Variants in AHR observed in about 807,000 individuals in gnomAD.
The protein encoded by AHR is aryl hydrocarbon receptor.
A neutral mutation model predicts 86.8 loss-of-function variants in AHR; 40 were observed. That is an observed-to-expected ratio of 0.46 (90% CI 0.36 to 0.60). AHR has a LOEUF of 0.60. Ranked by LOEUF, AHR falls within the 20% of genes least tolerant of loss-of-function variation. The pLI is 0.00. For missense variants in AHR, 1,001 were observed against 1,011.6 expected, an observed-to-expected ratio of 0.99 and a Z score of 0.14; for synonymous variants, 398 against 354.9, an observed-to-expected ratio of 1.12 and a Z score of -1.37.
chr7:17,308,229 C>T (rs1404501892), intron 1 of AHR, among the ~76,000 whole-genome samples: 1 of 152,140 alleles, frequency 6.6e-6, no homozygotes, highest in African/African-American at 2.4e-5. Context: ...TTCTCTCTTT[C>T]ACCCTGTGCC....
chr7:17,322,738 C>G, intron 3 of AHR, 131 bp downstream of exon 3: 1 of 637,330 alleles, frequency 1.6e-6, no homozygotes, highest in East Asian at 2.7e-5. Flanking sequence ...ATCTGAACTG[C>G]GATAGTGAAT....
chr7:17,305,724 A>G (rs147798691), intron 1 of AHR, among the ~76,000 whole-genome samples: 1 of 151,182 alleles, frequency 6.6e-6, no homozygotes, highest in African/African-American at 2.4e-5. Flanking sequence ...ATATCTTTGC[A>G]TGTCATTTTG....
intron 10 of AHR, among the ~76,000 whole-genome samples, chr7:17,341,442 G>A (rs1211492760): frequency 6.6e-6 from 1 of 152,138 alleles, no homozygotes; most frequent in Non-Finnish European, 1.5e-5. Flanking sequence ...AGTTGCATGA[G>A]TACCACATAA....
chr7:17,309,039 T>C (rs962363742), intron 1 of AHR, among the ~76,000 whole-genome samples: 1 of 152,216 alleles, frequency 6.6e-6, no homozygotes, highest in African/African-American at 2.4e-5. Flanking sequence ...GGGTATCTGA[T>C]GATTTTTAAA....
Position 17,334,868 on chromosome 7 carries a change from C to G in AHR, c.909-19C>G. The stretch of plus-strand genomic sequence containing the variant: ...AAATCTTAATCCATTCTTATTTTAC[C>G]TTTTTTTATTTTAAACAGAGGAAGA... On this transcript the variant is annotated intron_variant, in intron 7 of 10. Transcript: ENST00000242057. 6.5e-7 allele frequency: 1 copy of G among 1,541,270 alleles called. No individual in the cohort carries two copies. Among genetic ancestry groups the G allele is most frequent in the East Asian group, 2.3e-5 (1 of 44,136 alleles).
Position 17,322,487 on chromosome 7 carries a change from CT to C in AHR, c.254-7del, listed in dbSNP as rs375683016. On this transcript the variant is annotated splice_polypyrimidine_tract_variant and intron_variant, in intron 2 of 10. Transcript: ENST00000242057. ...CTTACTTTTAAAATCATTGTTTTTC[CT>C]TTTTTTCCATAGTTGCATTAAAATC... 29 of 1,551,474 alleles carry C rather than the reference CT, an allele frequency of 1.9e-5. No homozygotes were observed. Among genetic ancestry groups the C allele is most frequent in the African/African-American group, 1.4e-4 (10 of 73,046 alleles).
intron 2 of AHR, among the ~76,000 whole-genome samples, chr7:17,315,777 C>T (rs960582781): frequency 1.3e-5 from 2 of 151,490 alleles, no homozygotes; most frequent in African/African-American, 2.4e-5. Flanking sequence ...ATATTAAAAT[C>T]TGAAGAAATT....
chr7:17,327,930 A>G lies in AHR; in HGVS notation c.450+82A>G, dbSNP rs941333076. On this transcript the variant is annotated intron_variant, in intron 4 of 10. Transcript: ENST00000242057. ...ATTTAGGACACAGTTGGCCATTTGT[A>G]TGTATAAAGTATCAATATATGCTGT... 9 of 468,728 alleles carry G rather than the reference A, an allele frequency of 1.9e-5. No individual in the cohort carries two copies. The Admixed American group carries it at 3.2e-4, about 17-fold the overall frequency. The allele number at this position is 468,728 out of a possible 1,614,324, so 29.0% of individuals were successfully genotyped here.
At chr7:17,312,466 A>T (rs936040246) in intron 2 of AHR, among the ~76,000 whole-genome samples, 2 of 152,182 alleles carry the variant, frequency 1.3e-5, no homozygotes, top group South Asian at 4.1e-4. Flanking sequence ...ATATAAACAG[A>T]TATATTTCTA....
intron 6 of AHR, among the ~76,000 whole-genome samples, chr7:17,333,662 C>T (rs1441343356): frequency 6.6e-6 from 1 of 151,826 alleles, no homozygotes; most frequent in East Asian, 1.9e-4. Flanking sequence ...TATAGGTTTT[C>T]ATGTTATGAC....
At chr7:17,332,648 C>A (rs189069320) in intron 6 of AHR, among the ~76,000 whole-genome samples, 4 of 152,032 alleles carry the variant, frequency 2.6e-5, no homozygotes, top group Admixed American at 2.6e-4. Flanking sequence ...TGGCTGTACA[C>A]TGTGTTTAAG....
intron 3 of AHR, among the ~76,000 whole-genome samples, chr7:17,325,978 A>G (rs1782226319): frequency 6.6e-6 from 1 of 152,162 alleles, no homozygotes; most frequent in African/African-American, 2.4e-5. Context: ...AGTCAGAACC[A>G]TGCACCAATT....
intron 7 of AHR, 135 bp from the exon 8 acceptor site, chr7:17,334,752 C>G (rs1168698122): frequency 1.0e-5 from 6 of 601,344 alleles, no homozygotes; most frequent in Non-Finnish European, 1.4e-5. Context: ...AATTTCACAT[C>G]TACTTATGTG....
chr7:17,305,283 C>A (rs954529532), intron 1 of AHR, among the ~76,000 whole-genome samples: 3 of 152,074 alleles, frequency 2.0e-5, no homozygotes, highest in African/African-American at 4.8e-5. Context: ...TGTGTCACCT[C>A]CATTACATTA....
chr7:17,304,614 TTA>T (rs1781987335), intron 1 of AHR, among the ~76,000 whole-genome samples: 1 of 152,114 alleles, frequency 6.6e-6, no homozygotes, highest in African/African-American at 2.4e-5. Flanking sequence ...AAGACCCGAT[TTA>T]GATGCCACAT....
chr7:17,312,943 C>G (rs1413628486), intron 2 of AHR, among the ~76,000 whole-genome samples: 1 of 152,136 alleles, frequency 6.6e-6, no homozygotes, highest in Non-Finnish European at 1.5e-5. Context: ...TTAGCCTAGC[C>G]TTGATTATGC....
Position 17,333,023 on chromosome 7 carries a change from A to G in AHR, c.706-889A>G, listed in dbSNP as rs143073007. ...CACAAATACTTACCATCATGTTACA[A>G]TTGCTTTAAGTATTCAGTACGATAG... On this transcript the variant is annotated intron_variant, in intron 6 of 10. Coordinates refer to ENST00000242057, the MANE Select transcript of AHR (RefSeq NM_001621.5). Among the ~76,000 whole-genome samples the G allele has an allele frequency of 1.4e-3, 214 of 152,062 alleles. 1 individual carries two copies. Among genetic ancestry groups the G allele is most frequent in the African/African-American group, 4.8e-3 (198 of 41,526 alleles).
chr7:17,329,178 T>G lies in AHR; in HGVS notation c.451-774T>G, dbSNP rs564747981. Among the ~76,000 whole-genome samples, 5 of 152,036 alleles carry G rather than the reference T, an allele frequency of 3.3e-5. 1 individual carries two copies. In the South Asian group the frequency reaches 1.0e-3, roughly 32 times the overall value. On this transcript the variant is annotated intron_variant, in intron 4 of 10. Transcript: ENST00000242057. Reference sequence around the variant, plus strand: ...TTTAAAACTGCAAGTTATGACTCGCTCATGGGTATGCAGTCGAGACAGTGG... The same window carrying G: ...TTTAAAACTGCAAGTTATGACTCGCGCATGGGTATGCAGTCGAGACAGTGG...
chr7:17,300,034 G>A (rs1009740597), intron 1 of AHR, among the ~76,000 whole-genome samples: 9 of 152,148 alleles, frequency 5.9e-5, no homozygotes, highest in South Asian at 2.1e-4. Context: ...TGGCTTTAGG[G>A]TCTGTAAAAT....
Sources: allele counts gnomAD v4.1 joint callset (sites outside exome capture counted in the v4.1 genomes callset), GRCh38; gene constraint gnomAD v4.1.1; transcripts MANE v1.5; gene names NCBI Gene and HGNC (gene_info 2026-07-23, HGNC 2026-07-21).